PCGF1: variants seen among roughly 807,000 people sequenced by gnomAD.
PCGF1 encodes the protein polycomb group RING finger protein 1.
A neutral mutation model predicts 38.8 loss-of-function variants in PCGF1; 10 were observed. The observed-to-expected ratio is 0.26, with a 90% CI of 0.16 to 0.44. The LOEUF is 0.44. Ranked by LOEUF, PCGF1 falls within the 20% of genes least tolerant of loss-of-function variation. The pLI is 1.00. For missense variants in PCGF1, 230 were observed against 331.5 expected (o/e 0.69, Z 2.38); for synonymous variants, 119 against 121.3 (o/e 0.98, Z 0.12).
chr2:74,506,508 G>A (rs1674638461), intron 3 of PCGF1: 2 of 622,548 alleles, frequency 3.2e-6, no homozygotes, highest in Non-Finnish European at 5.6e-6. Flanking sequence ...AATCCAGGAG[G>A]TGGAGCTTGC....
In PCGF1 at chr2:74,506,066, G is replaced by C. The variant is rs770857013; in HGVS notation, c.425-9C>G. ...GTTGCTCAGTGCTGGCTCTGAGAAA[G>C]ATAGGGTAGTGAGGTGGCTGGTGGC... On this transcript the variant is annotated splice_polypyrimidine_tract_variant and intron_variant, in intron 4 of 8. Transcript: ENST00000233630. 6.2e-6 allele frequency: 10 copies of C among 1,613,944 alleles called. No individual in the cohort carries two copies. The African/African-American group carries it at 1.2e-4, about 19-fold the overall frequency.
Position 74,505,556 on chromosome 2 carries a change from T to G in PCGF1, c.647A>C (p.Gln216Pro), listed in dbSNP as rs747632913. 1.2e-6 allele frequency: 2 copies of G among 1,614,172 alleles called. No homozygotes were observed. The highest frequency in any genetic ancestry group is 1.7e-6 in the Non-Finnish European group (2 of 1,180,018). ...VLCHRLMLNPQHVQLLFDNEV... is the reference protein window; with the variant it reads ...VLCHRLMLNPPHVQLLFDNEV... ...ACCTACTGTGGGACTACTCACATGC[T>G]GAGGGTTTAGCATCAAGCGGTGACA... The change falls in exon 7 of 9, where the codon CAG becomes CCG. Residue 216 changes from glutamine to proline, a missense_variant. Gln to Pro is a moderately conservative substitution (Grantham distance 76). Coordinates refer to ENST00000233630, the MANE Select transcript of PCGF1 (RefSeq NM_032673.3).
chr2:74,507,680 A>G lies in PCGF1; in HGVS notation c.-12T>C. ...TGAGGAGACGCCATCTTAAAGGCTG[A>G]TCCCAGCCGGCCACTTCCGGTGCCG... On this transcript the variant is annotated 5_prime_UTR_variant, in exon 1 of 9. Coordinates refer to ENST00000233630, the MANE Select transcript of PCGF1 (RefSeq NM_032673.3). The G allele has an allele frequency of 6.4e-7, 1 of 1,552,490 alleles. No individual in the cohort carries two copies. The highest frequency in any genetic ancestry group is 8.7e-7 in the Non-Finnish European group (1 of 1,148,440).
At position 74,507,661 on chromosome 2, in the gene PCGF1, G is replaced by T; in HGVS notation, c.8C>A (p.Ser3Tyr). The T allele has an allele frequency of 6.4e-7, 1 of 1,560,298 alleles. No individual in the cohort carries two copies. Residue 3 changes from serine (S) to tyrosine (Y), a missense_variant, in exon 1 of 9, where the codon TCT (serine) becomes TAT (tyrosine). Transcript: ENST00000233630. MASPQGGQIAIAM... is the reference protein window; with the variant it reads MAYPQGGQIAIAM... ...GATCGCAATCTGGCCCCCCTGAGGAGACGCCATCTTAAAGGCTGATCCCAG... is the reference window on the plus strand; with the variant it reads ...GATCGCAATCTGGCCCCCCTGAGGATACGCCATCTTAAAGGCTGATCCCAG...
chr2:74,507,252 C>T, intron 1 of PCGF1, 105 bp from the exon 2 acceptor site: 1 of 1,487,850 alleles, frequency 6.7e-7, no homozygotes, highest in Non-Finnish European at 9.1e-7. Flanking sequence ...GGCCAAGCCC[C>T]GCGCCCTGCG....
intron 1 of PCGF1, 117 bp from the exon 2 acceptor site, chr2:74,507,264 C>G: frequency 6.7e-7 from 1 of 1,485,288 alleles, no homozygotes; most frequent in Admixed American, 2.1e-5. Flanking sequence ...CGCCCTGCGC[C>G]ATCAGCCGGG....
At chr2:74,507,421 C>A (rs1674666147) in intron 1 of PCGF1, 155 bp downstream of exon 1, 1 of 1,462,138 alleles carries the variant, frequency 6.8e-7, no homozygotes, top group Non-Finnish European at 9.0e-7. Context: ...GCGTCCTAAC[C>A]GGAGTTTGGC....
Position 74,506,218 on chromosome 2 carries a change from G to C in PCGF1, c.387C>G (p.Ser129=). The part of the protein sequence containing the change: ...EEKRIREFYQ[S]RGLDRVTQPT... ...GCTGGGTGACCCGGTCCAAACCTCG[G>C]GACTGGTAGAATTCCCGAATCCGTT... The change falls in exon 4 of 9, where the codon TCC becomes TCG. Residue 129 remains serine, a synonymous_variant. Coordinates refer to ENST00000233630, the MANE Select transcript of PCGF1 (RefSeq NM_032673.3). The C allele has an allele frequency of 6.2e-7, 1 of 1,614,160 alleles. No individual in the cohort carries two copies. Among genetic ancestry groups the C allele is most frequent in the Middle Eastern group, 1.7e-4 (1 of 6,040 alleles).
At chr2:74,505,680 G>T (rs1239157844) in intron 6 of PCGF1, 42 bp from the exon 7 acceptor site, 3 of 1,613,898 alleles carry the variant, frequency 1.9e-6, no homozygotes, top group African/African-American at 1.3e-5. Flanking sequence ...GGTGTGTGAG[G>T]GAAGGACCAT....
intron 1 of PCGF1, 174 bp downstream of exon 1, chr2:74,507,402 A>T: frequency 6.9e-7 from 1 of 1,454,588 alleles, no homozygotes; most frequent in Non-Finnish European, 9.0e-7. Context: ...TCGGCGACAC[A>T]ACGCGCAGGC....
chr2:74,505,699 A>G, intron 6 of PCGF1, 38 bp downstream of exon 6: 1 of 1,613,956 alleles, frequency 6.2e-7, no homozygotes, highest in South Asian at 1.1e-5. Flanking sequence ...ATGGGAGGTG[A>G]GTCTCCTTAG....
Position 74,505,652 on chromosome 2 carries a change from G to A in PCGF1, c.565-14C>T, listed in dbSNP as rs1443921185. ...GACATACTTGTTCTGGGAGCAGGGAGGGGAGGGAAGAGGGCAAGGTGTGTG... is the reference window on the plus strand; with the variant it reads ...GACATACTTGTTCTGGGAGCAGGGAAGGGAGGGAAGAGGGCAAGGTGTGTG... On this transcript the variant is annotated splice_polypyrimidine_tract_variant and intron_variant, in intron 6 of 8. Coordinates refer to ENST00000233630, the MANE Select transcript of PCGF1 (RefSeq NM_032673.3). 1 of 1,614,162 alleles carries A rather than the reference G, an allele frequency of 6.2e-7. No homozygotes were observed.
intron 1 of PCGF1, 54 bp downstream of exon 1, chr2:74,507,522 C>T (rs746502179): frequency 1.3e-6 from 2 of 1,545,672 alleles, no homozygotes; most frequent in East Asian, 2.4e-5. Context: ...TCCTTTAGCC[C>T]GCCCCAATTC....
In PCGF1 at chr2:74,505,975, C is replaced by T. The variant is rs553016148; in HGVS notation, c.507G>A (p.Leu169=). Residue 169 remains leucine, a synonymous_variant, in exon 5 of 9, where the codon TTG becomes TTA. Coordinates refer to ENST00000233630, the MANE Select transcript of PCGF1 (RefSeq NM_032673.3). The stretch of plus-strand genomic sequence containing the variant: ...ACCTCAGCCGCTCCAGGCACAGGTT[C>T]AACTGCTCATCATAGCGATAGTAGT... ...KAHYYRYDEQ[L]NLCLERLSSG... is the part of the protein sequence containing the mutation. 74 of 1,614,188 alleles carry T rather than the reference C, an allele frequency of 4.6e-5. No homozygotes were observed. The Middle Eastern group carries it at 4.1e-3, about 90-fold the overall frequency.
intron 3 of PCGF1, 155 bp downstream of exon 3, chr2:74,506,577 G>T: frequency 1.2e-6 from 1 of 855,004 alleles, no homozygotes; most frequent in Non-Finnish European, 1.8e-6. Context: ...CTCAAAAAAA[G>T]AAAAAAAAGA....
intron 3 of PCGF1, 90 bp downstream of exon 3, chr2:74,506,641 GC>G (rs1674643666): frequency 5.7e-5 from 80 of 1,414,760 alleles, no homozygotes; most frequent in Non-Finnish European, 7.8e-5. Context: ...TTGGCCTTCT[GC>G]CTACGTGAGT....
Position 74,507,413 on chromosome 2 carries a change from G to T in PCGF1, c.93+163C>A, listed in dbSNP as rs953933882. On this transcript the variant is annotated intron_variant, in intron 1 of 8. Transcript: ENST00000233630. ...AACGTCGGCGACACAACGCGCAGGC[G>T]TCCTAACCGGAGTTTGGCAACCCGA... The T allele has an allele frequency of 3.4e-6, 5 of 1,460,196 alleles. No homozygotes were observed. In the African/African-American group the frequency reaches 7.1e-5, roughly 21 times the overall value. 90.5% of individuals were successfully genotyped at this position (1,460,196 alleles called of 1,614,324 possible).
chr2:74,507,544 C>T (rs555609670), intron 1 of PCGF1, 32 bp downstream of exon 1: 4 of 1,560,594 alleles, frequency 2.6e-6, no homozygotes, highest in African/African-American at 1.4e-5. Context: ...CACCGCTGGC[C>T]GACCACAGCA....
rs76022282 is a variant in PCGF1, at chr2:74,505,108, G to A, written c.*35C>T. ...TTCATTTCACATAAATATCTGGGGA[G>A]GGAAGGGGAGTGGGATGGGGTGGGG... On this transcript the variant is annotated 3_prime_UTR_variant, in exon 9 of 9. Coordinates refer to ENST00000233630, the MANE Select transcript of PCGF1 (RefSeq NM_032673.3). 13 of 1,464,502 alleles carry A rather than the reference G, an allele frequency of 8.9e-6. No homozygotes were observed. The highest frequency in any genetic ancestry group is 1.8e-4 in the Middle Eastern group (1 of 5,470). 90.7% of individuals were successfully genotyped at this position (1,464,502 alleles called of 1,614,324 possible). A position where few individuals can be genotyped will look rare whatever the true frequency, so the allele number is the denominator to read the frequency against.
Sources: allele counts gnomAD v4.1 joint callset, GRCh38; gene constraint gnomAD v4.1.1; transcripts MANE v1.5; gene names NCBI Gene and HGNC (gene_info 2026-07-23, HGNC 2026-07-21).